Variants in MBD3 observed in about 807,000 individuals in gnomAD.
MBD3 encodes the protein methyl-CpG-binding domain protein 3.
Under a neutral mutation model 31.2 loss-of-function variants are expected in MBD3, and 13 were observed. The ratio of observed to expected loss-of-function variants is 0.42; its 90% CI spans 0.27 to 0.66. The LOEUF is 0.66. Ranked by LOEUF, MBD3 falls within the 30% of genes least tolerant of loss-of-function variation. The probability of loss-of-function intolerance (pLI) is 0.26; values close to 1 mark genes in which losing one functional copy is unlikely to be tolerated. For synonymous variants in MBD3, 223 were observed against 187.4 expected, an observed-to-expected ratio of 1.19 and a Z score of -1.55; for missense variants, 440 against 426.5, an observed-to-expected ratio of 1.03 and a Z score of -0.28.
chr19:1,577,260 T>C lies in MBD3; in HGVS notation c.*904A>G, dbSNP rs1025147052. ...TGCCCTCGCCAAGGCACTGGGGGGT[T>C]AAGGAGCAGATCCCTCAGACGGCCT... is the stretch of plus-strand genomic sequence containing the variant. On this transcript the variant is annotated 3_prime_UTR_variant, in exon 7 of 7. Coordinates refer to ENST00000434436, the MANE Select transcript of MBD3 (RefSeq NM_001281453.2). 1 of 152,228 alleles carries C rather than the reference T, an allele frequency of 6.6e-6. No individual in the cohort carries two copies. The highest frequency in any genetic ancestry group is 1.5e-5 in the Non-Finnish European group (1 of 68,062). 9.4% of individuals were successfully genotyped at this position (152,228 alleles called of 1,614,324 possible).
intron 4 of MBD3, among the ~76,000 whole-genome samples, chr19:1,582,002 C>T (rs1025885597): frequency 6.6e-6 from 1 of 152,136 alleles, no homozygotes; most frequent in African/African-American, 2.4e-5. Context: ...CTCCTGACCT[C>T]ATGATCCGCC....
At chr19:1,592,419 G>A (rs1174587202) in intron 1 of MBD3, 103 bp downstream of exon 1, 6 of 315,190 alleles carry the variant, frequency 1.9e-5, no homozygotes, top group South Asian at 1.2e-4. Flanking sequence ...CACGACGCAC[G>A]CGCGGGGCCC....
At chr19:1,584,424 G>T in intron 3 of MBD3, 116 bp downstream of exon 3, 1 of 1,473,372 alleles carries the variant, frequency 6.8e-7, no homozygotes, top group Non-Finnish European at 9.4e-7. Flanking sequence ...GCCCAGGCTA[G>T]CCTGGAACTC....
At position 1,584,677 on chromosome 19, in the gene MBD3, C is replaced by A; in HGVS notation, c.271G>T (p.Gly91Cys). 6.2e-7 allele frequency: 1 copy of A among 1,611,084 alleles called. No individual in the cohort carries two copies. The highest frequency in any genetic ancestry group is 8.5e-7 in the Non-Finnish European group (1 of 1,179,620). Residue 91 changes from glycine to cysteine, a missense_variant and splice_region_variant, in exon 3 of 7, where the codon GGC (glycine) becomes TGC (cysteine). Coordinates refer to ENST00000434436, the MANE Select transcript of MBD3 (RefSeq NM_001281453.2). ...VRYDSSNQVK[G>C]KPDLNTALPV... ...AGCGCCGTGTTCAGGTCGGGCTTGC[C>A]CTGCGGGAGGAAGGATATGCAGTCC...
chr19:1,581,491 C>T (rs926958202), intron 4 of MBD3: 2 of 605,526 alleles, frequency 3.3e-6, no homozygotes, highest in Non-Finnish European at 5.9e-6. Flanking sequence ...GCCTGTAATC[C>T]CAGCATCTTG....
At position 1,578,417 on chromosome 19, in the gene MBD3, C is replaced by A; in HGVS notation, c.799G>T (p.Ala267Ser). 6.2e-7 allele frequency: 1 copy of A among 1,605,314 alleles called. No individual in the cohort carries two copies. The highest frequency in any genetic ancestry group is 1.1e-5 in the South Asian group (1 of 91,074). The part of the protein sequence containing the change: ...DGEAPLDKAC[A>S]EDDDEEDEEE... ...TCGTCTTCCTCGTCGTCGTCCTCAG[C>A]GCAGGCCTTGTCCAGCGGCGCCTCC... Residue 267 changes from alanine (A) to serine (S), a missense_variant, in exon 6 of 7, where the codon GCT becomes TCT. Around this residue, in one of 3 missense-constraint regions of MBD3, gnomAD observed 117 missense variants for 95.0 expected, o/e 1.23. Transcript: ENST00000434436. This position sits in a 1 kb window ranked among gnomAD's most constrained non-coding sequence, Gnocchi z 6.1.
chr19:1,592,442 G>A (rs1457058550), intron 1 of MBD3, 80 bp downstream of exon 1: 39 of 527,352 alleles, frequency 7.4e-5, no homozygotes, highest in Non-Finnish European at 9.7e-5. Context: ...GCCGCGGCCC[G>A]GGGCAGGGGC....
At chr19:1,584,436 T>G in intron 3 of MBD3, 104 bp downstream of exon 3, 1 of 1,529,024 alleles carries the variant, frequency 6.5e-7, no homozygotes, top group Non-Finnish European at 9.0e-7. Context: ...CTGGAACTCC[T>G]GCGCTCACTA....
intron 1 of MBD3, among the ~76,000 whole-genome samples, chr19:1,587,453 C>T (rs770610139): frequency 3.3e-5 from 5 of 151,362 alleles, no homozygotes; most frequent in Admixed American, 6.6e-5. Context: ...CTCCTTGTGT[C>T]GCCCAGGCTG....
In MBD3 at chr19:1,585,520, A is replaced by C; in HGVS notation, c.111-306T>G. The C allele has an allele frequency of 4.5e-5, 18 of 403,652 alleles. No individual in the cohort carries two copies. The highest frequency in any genetic ancestry group is 4.6e-5 in the Non-Finnish European group (10 of 215,244). The allele number at this position is 403,652 out of a possible 1,614,324, so 25.0% of individuals were successfully genotyped here. A position where few individuals can be genotyped will look rare whatever the true frequency, so the allele number is the denominator to read the frequency against. ...CCCTGGCCCTAGCCCCAGCCTCCAC[A>C]TCGGATCCTTGCTCCAGACCCCCAA... On this transcript the variant is annotated intron_variant, in intron 1 of 6. Transcript: ENST00000434436. This position sits in a 1 kb window ranked among gnomAD's most constrained non-coding sequence, Gnocchi z 4.1.
Position 1,578,680 on chromosome 19 carries a change from A to G in MBD3, c.678-142T>C. ...CCCAGGACCAGCCCTGGCCCGTGCCACCCCTCCCTTCACAATCCACGCAGA... is the reference window on the plus strand; with the variant it reads ...CCCAGGACCAGCCCTGGCCCGTGCCGCCCCTCCCTTCACAATCCACGCAGA... On this transcript the variant is annotated intron_variant, in intron 5 of 6. Coordinates refer to ENST00000434436, the MANE Select transcript of MBD3 (RefSeq NM_001281453.2). The surrounding 1 kb of genome is among the most constrained non-coding windows in gnomAD (Gnocchi z 6.1). 1 of 1,528,486 alleles carries G rather than the reference A, an allele frequency of 6.5e-7. No homozygotes were observed. 94.7% of individuals were successfully genotyped at this position (1,528,486 alleles called of 1,614,324 possible).
intron 1 of MBD3, 59 bp downstream of exon 1, chr19:1,592,463 C>G: frequency 1.1e-6 from 1 of 946,448 alleles, no homozygotes; most frequent in Non-Finnish European, 1.4e-6. Context: ...GCCGAGGCCG[C>G]CGCAGAGGCC....
intron 1 of MBD3, among the ~76,000 whole-genome samples, chr19:1,587,650 A>G (rs1599347535): frequency 6.6e-6 from 1 of 152,306 alleles, no homozygotes; most frequent in South Asian, 2.1e-4. Context: ...TACGATCTCA[A>G]GAGATCCTCC....
intron 4 of MBD3, 100 bp from the exon 5 acceptor site, chr19:1,581,369 C>T (rs1302212517): frequency 2.4e-6 from 3 of 1,265,128 alleles, no homozygotes; most frequent in African/African-American, 3.0e-5. Context: ...GGAGCTGCCA[C>T]CTTCTTGGAA....
intron 4 of MBD3, chr19:1,581,657 A>C: frequency 2.9e-6 from 1 of 339,132 alleles, no homozygotes. Context: ...TGCTGAGAGA[A>C]CCACTTGAGC....
rs751849169 is a variant in MBD3, at chr19:1,581,210, T to C, written c.559A>G (p.Thr187Ala). The C allele has an allele frequency of 6.2e-7, 1 of 1,613,656 alleles. No individual in the cohort carries two copies. The highest frequency in any genetic ancestry group is 1.1e-5 in the South Asian group (1 of 91,068). Residue 187 changes from threonine (T) to alanine (A), a missense_variant, in exon 5 of 7, where the codon ACT becomes GCT. Transcript: ENST00000434436. Reference protein sequence around the residue: ...LLSAIASALHTSTMPITGQLS... With the variant: ...LLSAIASALHASTMPITGQLS... Reference sequence around the variant, plus strand: ...TGTCCCGTGATGGGCATGGTGCTAGTGTGCAGGGCGCTGGCGATGGCCGAC... The same window carrying C: ...TGTCCCGTGATGGGCATGGTGCTAGCGTGCAGGGCGCTGGCGATGGCCGAC...
chr19:1,583,477 C>CTTGA (rs2060662920), intron 3 of MBD3: 1 of 151,776 alleles, frequency 6.6e-6, no homozygotes, highest in Non-Finnish European at 1.5e-5. Flanking sequence ...CACATATGGG[C>CTTGA]AGTCAACCCC....
intron 3 of MBD3, among the ~76,000 whole-genome samples, chr19:1,583,534 G>A (rs2060663201): frequency 6.6e-6 from 1 of 151,972 alleles, no homozygotes; most frequent in Admixed American, 6.6e-5. Context: ...GCGGCAGACT[G>A]AAAATATTTG....
chr19:1,578,516 G>A lies in MBD3; in HGVS notation c.700C>T (p.Gln234Ter). The change falls in exon 6 of 7, where the codon CAG becomes TAG. Residue 234 changes from glutamine to a stop codon, truncating the protein, a stop_gained. Coordinates refer to ENST00000434436, the MANE Select transcript of MBD3 (RefSeq NM_001281453.2). LOFTEE classifies it high-confidence loss of function. This position sits in a 1 kb window ranked among gnomAD's most constrained non-coding sequence, Gnocchi z 6.1. ...GCCTCCTCCAGCCGCTTCCGCACCT[G>A]CTGCACCAGCTCTTCCTGCTTCCTG... ...DIRKQEELVQ[Q>*]VRKRLEEALM... The A allele has an allele frequency of 1.2e-6, 2 of 1,612,380 alleles. No homozygotes were observed.
Sources: allele counts gnomAD v4.1 joint callset (sites outside exome capture counted in the v4.1 genomes callset), GRCh38; gene constraint gnomAD v4.1.1; regional missense constraint gnomAD v4.1.1; non-coding constraint Gnocchi (gnomAD v3.1); transcripts MANE v1.5; gene names NCBI Gene and HGNC (gene_info 2026-07-23, HGNC 2026-07-21).